Variants in EOMES observed in about 807,000 individuals in gnomAD.
The protein encoded by EOMES is eomesodermin.
In EOMES, 18 loss-of-function variants were observed where a neutral mutation model predicts 61.0. The ratio of observed to expected loss-of-function variants is 0.30; its 90% CI spans 0.20 to 0.44. The LOEUF is 0.44. Ranked by LOEUF, EOMES falls within the 20% of genes least tolerant of loss-of-function variation. The pLI is 1.00. For missense variants in EOMES, 885 were observed against 939.2 expected (o/e 0.94, Z 0.75); for synonymous variants, 430 against 394.0 (o/e 1.09, Z -1.08).
chr3:27,717,670 G>A lies in EOMES; in HGVS notation c.1518C>T (p.Ala506=), dbSNP rs767917314. ...PEPFVNTLPQ[A]RYYNGERTVP... is the part of the protein sequence containing the mutation. The stretch of plus-strand genomic sequence containing the variant: ...CGGTTCTCTCGCCATTATAATAGCG[G>A]GCTTGAGGTAAAGTGTTGACAAAGG... Residue 506 remains alanine, a synonymous_variant, in exon 6 of 6, where the codon GCC becomes GCT. Coordinates refer to ENST00000449599, the MANE Select transcript of EOMES (RefSeq NM_001278182.2). The surrounding 1 kb of genome is among the most constrained non-coding windows in gnomAD (Gnocchi z 4.5). The A allele has an allele frequency of 3.1e-6, 5 of 1,613,870 alleles. No individual in the cohort carries two copies. In the Admixed American group the frequency reaches 8.3e-5, roughly 27 times the overall value.
At chr3:27,720,709 T>C (rs2060605858) in intron 1 of EOMES, among the ~76,000 whole-genome samples, 10 of 152,194 alleles carry the variant, frequency 6.6e-5, no homozygotes, top group Admixed American at 6.5e-4. Context: ...TTTTGAAAAG[T>C]ACCAGAGAAC....
Position 27,717,100 on chromosome 3 carries a change from T to C in EOMES, c.2088A>G (p.Gly696=), listed in dbSNP as rs1207053546. 6.2e-7 allele frequency: 1 copy of C among 1,612,638 alleles called. No homozygotes were observed. Residue 696 remains glycine (G), a synonymous_variant, in exon 6 of 6, where the codon GGA becomes GGG. Transcript: ENST00000449599. The surrounding 1 kb of genome is among the most constrained non-coding windows in gnomAD (Gnocchi z 4.5). ...GAGTTGTGTAAAAAGCATAATACCCTCCCATGCCTTTTGAGGTGTCTTTAC... is the reference window on the plus strand; with the variant it reads ...GAGTTGTGTAAAAAGCATAATACCCCCCCATGCCTTTTGAGGTGTCTTTAC... ...EYSKDTSKGM[G]GYYAFYTTP
Position 27,721,896 on chromosome 3 carries a change from G to A in EOMES, c.399C>T (p.Arg133=), listed in dbSNP as rs1209488931. The part of the protein sequence containing the change: ...AAAAAAAATA[R]YSMDSLSSER... ...CGGAGCTCAGGCTGTCCATGGAGTA[G>A]CGCGCAGTGGCCGCAGCCGCGGCGG... The change falls in exon 1 of 6, where the codon CGC becomes CGT. Residue 133 remains arginine (R), a synonymous_variant. Coordinates refer to ENST00000449599, the MANE Select transcript of EOMES (RefSeq NM_001278182.2). This position sits in a 1 kb window ranked among gnomAD's most constrained non-coding sequence, Gnocchi z 7.4. The A allele has an allele frequency of 4.9e-6, 7 of 1,429,952 alleles. No individual in the cohort carries two copies. The East Asian group carries it at 2.2e-4, about 44-fold the overall frequency. 88.6% of individuals were successfully genotyped at this position (1,429,952 alleles called of 1,614,324 possible).
Position 27,717,654 on chromosome 3 carries a change from C to T in EOMES, c.1534G>A (p.Glu512Lys), listed in dbSNP as rs772872800. The T allele has an allele frequency of 5.6e-6, 9 of 1,614,002 alleles. No individual in the cohort carries two copies. Among genetic ancestry groups the T allele is most frequent in the Admixed American group, 3.3e-5 (2 of 60,002 alleles). ...CCGTTGGTCTGTGGCACGGTTCTCT[C>T]GCCATTATAATAGCGGGCTTGAGGT... ...TLPQARYYNG[E>K]RTVPQTNGLL... is the part of the protein sequence containing the mutation. The change falls in exon 6 of 6, where the codon GAG becomes AAG. Residue 512 changes from glutamate (E) to lysine (K), a missense_variant. Physicochemically the swap from Glu to Lys is moderately conservative, Grantham distance 56. Coordinates refer to ENST00000449599, the MANE Select transcript of EOMES (RefSeq NM_001278182.2). This position sits in a 1 kb window ranked among gnomAD's most constrained non-coding sequence, Gnocchi z 4.5.
In EOMES at chr3:27,717,842, A is replaced by AC. The variant is rs2060581493; in HGVS notation, c.1380-35_1380-34insG. 3 of 1,452,036 alleles carry AC rather than the reference A, an allele frequency of 2.1e-6. No individual in the cohort carries two copies. In the African/African-American group the frequency reaches 4.3e-5, roughly 21 times the overall value. 89.9% of individuals were successfully genotyped at this position (1,452,036 alleles called of 1,614,324 possible). ...TAAAGAGAAACACTTAAAAAAAAAA[A>AC]AAAACCCTAATGTTGTCCCCAAACA... On this transcript the variant is annotated intron_variant, in intron 5 of 5. Coordinates refer to ENST00000449599, the MANE Select transcript of EOMES (RefSeq NM_001278182.2). The surrounding 1 kb of genome is among the most constrained non-coding windows in gnomAD (Gnocchi z 4.5).
At chr3:27,720,372 C>A in intron 1 of EOMES, 47 bp from the exon 2 acceptor site, 1 of 1,565,180 alleles carries the variant, frequency 6.4e-7, no homozygotes, top group African/African-American at 1.4e-5. Flanking sequence ...ATTGGGATGT[C>A]CTAGAACAGG....
intron 5 of EOMES, 21 bp downstream of exon 5, chr3:27,718,566 G>A (rs898207211): frequency 1.9e-6 from 3 of 1,569,054 alleles, no homozygotes; most frequent in Non-Finnish European, 1.8e-6. Context: ...TCAGGCAAGT[G>A]TGGATAAAAG....
At position 27,716,246 on chromosome 3, in the gene EOMES, G is replaced by A. The variant is rs1164031203; in HGVS notation, c.*824C>T. The A allele has an allele frequency of 3.3e-5, 5 of 152,136 alleles. No homozygotes were observed. The highest frequency in any genetic ancestry group is 1.2e-4 in the African/African-American group (5 of 41,410). 9.4% of individuals were successfully genotyped at this position (152,136 alleles called of 1,614,324 possible). A position where few individuals can be genotyped will look rare whatever the true frequency, so the allele number is the denominator to read the frequency against. Reference sequence around the variant, plus strand: ...TGCCCCTGCAGCTGTTAAGTGATTTGCAAATTCTTTACAAAGCCAAAGCAC... The same window carrying A: ...TGCCCCTGCAGCTGTTAAGTGATTTACAAATTCTTTACAAAGCCAAAGCAC... On this transcript the variant is annotated 3_prime_UTR_variant, in exon 6 of 6. Transcript: ENST00000449599.
Position 27,717,841 on chromosome 3 carries a change from A to C in EOMES, c.1380-33T>G, listed in dbSNP as rs1559926283. On this transcript the variant is annotated intron_variant, in intron 5 of 5. Coordinates refer to ENST00000449599, the MANE Select transcript of EOMES (RefSeq NM_001278182.2). This position sits in a 1 kb window ranked among gnomAD's most constrained non-coding sequence, Gnocchi z 4.5. The stretch of plus-strand genomic sequence containing the variant: ...ATAAAGAGAAACACTTAAAAAAAAA[A>C]AAAAACCCTAATGTTGTCCCCAAAC... 2.1e-6 allele frequency: 3 copies of C among 1,451,726 alleles called. No individual in the cohort carries two copies. Among genetic ancestry groups the C allele is most frequent in the Admixed American group, 2.7e-5 (1 of 37,374 alleles). 89.9% of individuals were successfully genotyped at this position (1,451,726 alleles called of 1,614,324 possible). A position where few individuals can be genotyped will look rare whatever the true frequency, so the allele number is the denominator to read the frequency against.
chr3:27,722,411 C>G (rs1398236438), upstream of EOMES: 4 of 1,366,214 alleles, frequency 2.9e-6, no homozygotes, highest in Non-Finnish European at 3.8e-6. Context: ...CCCCTTCCTC[C>G]CGCGCCGGGG....
chr3:27,717,487 A>T lies in EOMES; in HGVS notation c.1701T>A (p.Tyr567Ter). ...SEYTSSTLLP[Y>*]GIKSLPLQTS... is the part of the protein sequence containing the mutation. ...TCTGAAGGGGCAAGGATTTAATGCC[A>T]TATGGGAGCAATGTGCTAGAAGTAT... is the stretch of plus-strand genomic sequence containing the variant. The change falls in exon 6 of 6, where the codon TAT (tyrosine) becomes TAA (stop). Residue 567 changes from tyrosine to a stop codon, truncating the protein, a stop_gained. Transcript: ENST00000449599. LOFTEE classifies it high-confidence loss of function. The surrounding 1 kb of genome is among the most constrained non-coding windows in gnomAD (Gnocchi z 4.5). 1 of 1,614,194 alleles carries T rather than the reference A, an allele frequency of 6.2e-7. No homozygotes were observed.
Position 27,721,752 on chromosome 3 carries a change from G to C in EOMES, c.543C>G (p.Asn181Lys), listed in dbSNP as rs759399610. Residue 181 changes from asparagine (N) to lysine (K), a missense_variant, in exon 1 of 6, where the codon AAC (asparagine) becomes AAG (lysine). Asn to Lys is a moderately conservative substitution (Grantham distance 94). Around this residue, in one of 3 missense-constraint regions of EOMES, gnomAD observed 449 missense variants for 383.6 expected, o/e 1.17. Coordinates refer to ENST00000449599, the MANE Select transcript of EOMES (RefSeq NM_001278182.2). The surrounding 1 kb of genome is among the most constrained non-coding windows in gnomAD (Gnocchi z 7.4). Reference protein sequence around the residue: ...APHGPVYPAPNGARYPYGSML... With the variant: ...APHGPVYPAPKGARYPYGSML... ...TGGAGCCGTAGGGGTAGCGCGCCCC[G>C]TTAGGAGCCGGGTACACAGGTCCGT... 14 of 1,489,526 alleles carry C rather than the reference G, an allele frequency of 9.4e-6. No homozygotes were observed. Among genetic ancestry groups the C allele is most frequent in the South Asian group, 8.2e-5 (6 of 73,254 alleles). The allele number at this position is 1,489,526 out of a possible 1,614,324, so 92.3% of individuals were successfully genotyped here. A position where few individuals can be genotyped will look rare whatever the true frequency, so the allele number is the denominator to read the frequency against.
chr3:27,720,133 G>C (rs774459048), intron 2 of EOMES, 38 bp downstream of exon 2: 1 of 1,518,502 alleles, frequency 6.6e-7, no homozygotes, highest in South Asian at 1.3e-5. Flanking sequence ...ATTTCTTCCC[G>C]CCCGTTCCTC....
At position 27,717,146 on chromosome 3, in the gene EOMES, T is replaced by C. The variant is rs1158321121; in HGVS notation, c.2042A>G (p.Asp681Gly). Reference protein sequence around the residue: ...NENSPSIKCEDINAEEYSKDT... With the variant: ...NENSPSIKCEGINAEEYSKDT... Reference sequence around the variant, plus strand: ...TTTACTATACTCTTCAGCATTAATGTCCTCACACTTTATGGAGGGTGAATT... The same window carrying C: ...TTTACTATACTCTTCAGCATTAATGCCCTCACACTTTATGGAGGGTGAATT... Residue 681 changes from aspartate (D) to glycine (G), a missense_variant, in exon 6 of 6, where the codon GAC (aspartate) becomes GGC (glycine). Physicochemically the swap from Asp to Gly is moderately conservative, Grantham distance 94. Coordinates refer to ENST00000449599, the MANE Select transcript of EOMES (RefSeq NM_001278182.2). The surrounding 1 kb of genome is among the most constrained non-coding windows in gnomAD (Gnocchi z 4.5). The C allele has an allele frequency of 6.2e-7, 1 of 1,612,020 alleles. No individual in the cohort carries two copies.
chr3:27,722,007 G>T lies in EOMES; in HGVS notation c.288C>A (p.Ala96=), dbSNP rs759381156. ...GDAFASAAAV[A]KPGPPDGRKG... ...TGCGGCCGTCCGGGGGCCCCGGCTT[G>T]GCCACTGCCGCAGCGCTGGCAAATG... Residue 96 remains alanine (A), a synonymous_variant, in exon 1 of 6, where the codon GCC becomes GCA. Transcript: ENST00000449599. 2.0e-6 allele frequency: 3 copies of T among 1,503,686 alleles called. No homozygotes were observed. Among genetic ancestry groups the T allele is most frequent in the Non-Finnish European group, 1.8e-6 (2 of 1,129,626 alleles). The allele number at this position is 1,503,686 out of a possible 1,614,324, so 93.1% of individuals were successfully genotyped here.
In EOMES at chr3:27,721,520, C is replaced by T. The variant is rs372639985; in HGVS notation, c.775G>A (p.Gly259Arg). The change falls in exon 1 of 6, where the codon GGG becomes AGG. Residue 259 changes from glycine to arginine, a missense_variant. Gly to Arg is a moderately radical substitution (Grantham distance 125). This residue lies in a region of EOMES where 449 missense variants were observed against 383.6 expected (regional missense o/e 1.17). Coordinates refer to ENST00000449599, the MANE Select transcript of EOMES (RefSeq NM_001278182.2). This position sits in a 1 kb window ranked among gnomAD's most constrained non-coding sequence, Gnocchi z 7.4. Reference protein sequence around the residue: ...AGSCGGLGGLGVPGSGFRAHV... With the variant: ...AGSCGGLGGLRVPGSGFRAHV... ...GCACGGAAGCCAGAACCTGGAACCC[C>T]CAGGCCCCCCAGTCCTCCGCAAGAT... The T allele has an allele frequency of 7.1e-5, 114 of 1,611,460 alleles. No individual in the cohort carries two copies. Among genetic ancestry groups the T allele is most frequent in the African/African-American group, 2.7e-4 (20 of 75,028 alleles).
At chr3:27,722,609 C>A, upstream of EOMES, 1 of 1,157,302 alleles carries the variant, frequency 8.6e-7, no homozygotes, top group Non-Finnish European at 1.1e-6. Context: ...GGCTCACACG[C>A]TGGAAGAAGG....
At chr3:27,719,510 C>T (rs115265434) in intron 2 of EOMES, 29 bp from the exon 3 acceptor site, 1 of 1,609,588 alleles carries the variant, frequency 6.2e-7, no homozygotes. Context: ...AAACACAAAA[C>T]CCAAGCATAT....
At position 27,721,617 on chromosome 3, in the gene EOMES, G is replaced by A. The variant is rs1188472587; in HGVS notation, c.678C>T (p.Gly226=). The A allele has an allele frequency of 6.5e-7, 1 of 1,540,034 alleles. No homozygotes were observed. Among genetic ancestry groups the A allele is most frequent in the Non-Finnish European group, 8.7e-7 (1 of 1,146,552 alleles). ...SGAGGSSGGG[G]GPGTYQYSQG... ...GGCTGTACTGATAGGTGCCCGGGCC[G>A]CCGCCCCCGCCGCTGCTACCGCCCG... The change falls in exon 1 of 6, where the codon GGC becomes GGT. Residue 226 remains glycine, a synonymous_variant. Transcript: ENST00000449599. The surrounding 1 kb of genome is among the most constrained non-coding windows in gnomAD (Gnocchi z 7.4).
Sources: allele counts gnomAD v4.1 joint callset (sites outside exome capture counted in the v4.1 genomes callset), GRCh38; gene constraint gnomAD v4.1.1; regional missense constraint gnomAD v4.1.1; non-coding constraint Gnocchi (gnomAD v3.1); transcripts MANE v1.5; gene names NCBI Gene and HGNC (gene_info 2026-07-23, HGNC 2026-07-21).